The following ASIC2 variants were observed in gnomAD, a reference collection of about 807,000 sequenced individuals.
The protein encoded by ASIC2 is acid-sensing ion channel 2.
In ASIC2, 25 loss-of-function variants were observed where a neutral mutation model predicts 57.3. That is an observed-to-expected ratio of 0.44 (90% CI 0.32 to 0.61). The LOEUF (loss-of-function observed/expected upper bound fraction) is 0.61. Among genes scored for constraint, ASIC2 ranks in the 20% least tolerant of loss-of-function variants. ASIC2 has a pLI of 0.06. For missense variants in ASIC2, 641 were observed against 738.1 expected, an observed-to-expected ratio of 0.87 and a Z score of 1.52; for synonymous variants, 319 against 307.5, an observed-to-expected ratio of 1.04 and a Z score of -0.39.
intron 1 of ASIC2, among the ~76,000 whole-genome samples, chr17:33,996,393 G>A (rs79449423): frequency 0.044 from 6,741 of 152,094 alleles, 361 homozygotes; most frequent in East Asian, 0.23. Context: ...TGTTACCTTT[G>A]CTTTTGGGGT....
Position 34,019,252 on chromosome 17 carries a change from TG to T in ASIC2, c.555+136725del, listed in dbSNP as rs537927065. On this transcript the variant is annotated intron_variant, in intron 1 of 9. Transcript: ENST00000359872. ...AATCTACTCCTAGCAAAGACACTGTTGAAATGACAACAAAGGATTGAGAATA... is the reference window on the plus strand; with the variant it reads ...AATCTACTCCTAGCAAAGACACTGTTAAATGACAACAAAGGATTGAGAATA... Among the ~76,000 whole-genome samples, 36 of 152,244 alleles carry T rather than the reference TG, an allele frequency of 2.4e-4. 1 individual carries two copies. The East Asian group carries it at 6.4e-3, about 27-fold the overall frequency.
rs528702659 is a variant in ASIC2, at chr17:33,806,890, G to C, written c.555+349088C>G. On this transcript the variant is annotated intron_variant, in intron 1 of 9. Coordinates refer to the ASIC2 transcript ENST00000359872. ...GTGATAGCATCTGCAGAACAACCAA[G>C]ATGTCAGTGTCATGTTTGCATGCTG... Among the ~76,000 whole-genome samples the C allele has an allele frequency of 1.1e-4, 16 of 152,314 alleles. No individual in the cohort carries two copies. In the South Asian group the frequency reaches 3.3e-3, roughly 32 times the overall value.
intron 1 of ASIC2, among the ~76,000 whole-genome samples, chr17:33,979,866 CA>C (rs898482000): frequency 6.6e-6 from 1 of 152,182 alleles, no homozygotes; most frequent in Non-Finnish European, 1.5e-5. Context: ...CTCGGGAACT[CA>C]GTCTCTCTTG....
intron 1 of ASIC2, among the ~76,000 whole-genome samples, chr17:33,518,314 G>A (rs977678711): frequency 3.3e-5 from 5 of 152,210 alleles, no homozygotes; most frequent in African/African-American, 7.2e-5. Flanking sequence ...TGCGGGCGAA[G>A]GAGAGACTGA....
Position 34,036,833 on chromosome 17 carries a change from C to A in ASIC2, c.555+119145G>T, listed in dbSNP as rs536355142. On this transcript the variant is annotated intron_variant, in intron 1 of 9. Transcript: ENST00000359872. The stretch of plus-strand genomic sequence containing the variant: ...GGGACTCCAAGCTGCAGTCTTCTAA[C>A]CTCATTCTTTGTCCAATGGCAAAAA... The A allele has an allele frequency of 2.3e-3, 357 of 152,484 alleles. 1 individual carries two copies. The highest frequency in any genetic ancestry group is 3.9e-3 in the Non-Finnish European group (266 of 67,986). The allele number at this position is 152,484 out of a possible 1,614,324, so 9.4% of individuals were successfully genotyped here.
chr17:33,104,690 C>G (rs532862738), intron 2 of ASIC2, among the ~76,000 whole-genome samples: 10 of 152,196 alleles, frequency 6.6e-5, no homozygotes, highest in Non-Finnish European at 1.5e-4. Flanking sequence ...TCATTATATG[C>G]CATTCTCTCT....
At chr17:33,604,257 GT>G (rs1905173785) in intron 1 of ASIC2, among the ~76,000 whole-genome samples, 1 of 152,204 alleles carries the variant, frequency 6.6e-6, no homozygotes, top group African/African-American at 2.4e-5. Context: ...AAAATCTTTG[GT>G]TGTTTGTATT....
At chr17:33,733,415 C>T (rs1436594343) in intron 1 of ASIC2, among the ~76,000 whole-genome samples, 1 of 152,166 alleles carries the variant, frequency 6.6e-6, no homozygotes, top group Admixed American at 6.5e-5. Context: ...TTTAGTACTA[C>T]AAGTTCCATG....
chr17:33,015,865 G>T lies in ASIC2; in HGVS notation c.1590+106C>A, dbSNP rs548908555. 5.4e-5 allele frequency: 63 copies of T among 1,157,070 alleles called. No homozygotes were observed. The African/African-American group carries it at 8.6e-4, about 16-fold the overall frequency. The allele number at this position is 1,157,070 out of a possible 1,614,324, so 71.7% of individuals were successfully genotyped here. Reference sequence around the variant, plus strand: ...ACAGCATGTCCCAAGCCATGGAAAGGTGTGCAGTGAGTCACATCTTTCCTG... The same window carrying T: ...ACAGCATGTCCCAAGCCATGGAAAGTTGTGCAGTGAGTCACATCTTTCCTG... On this transcript the variant is annotated intron_variant, in intron 9 of 9. Transcript: ENST00000225823.
chr17:33,024,995 T>G (rs1295348333), intron 5 of ASIC2, among the ~76,000 whole-genome samples: 1 of 152,060 alleles, frequency 6.6e-6, no homozygotes, highest in Non-Finnish European at 1.5e-5. Flanking sequence ...CTCCCTCCCT[T>G]TTTCCTCTAG....
intron 1 of ASIC2, among the ~76,000 whole-genome samples, chr17:33,687,945 G>A (rs553148843): frequency 4.7e-4 from 72 of 152,272 alleles, no homozygotes; most frequent in Admixed American, 2.7e-3. Context: ...TTGTGGGACC[G>A]AAACCATTAC....
At chr17:33,490,564 A>G (rs1913720791) in intron 1 of ASIC2, among the ~76,000 whole-genome samples, 1 of 152,184 alleles carries the variant, frequency 6.6e-6, no homozygotes, top group Non-Finnish European at 1.5e-5. Flanking sequence ...AAGTCTCATG[A>G]GATCTGATGA....
intron 1 of ASIC2, among the ~76,000 whole-genome samples, chr17:34,030,603 T>G (rs953833658): frequency 6.6e-6 from 1 of 152,194 alleles, no homozygotes; most frequent in Non-Finnish European, 1.5e-5. Context: ...TTTCCTTTCC[T>G]ACTCAAAGAA....
At chr17:33,056,605 T>C (rs1380118298) in intron 3 of ASIC2, among the ~76,000 whole-genome samples, 2 of 152,168 alleles carry the variant, frequency 1.3e-5, no homozygotes, top group African/African-American at 2.4e-5. Context: ...TCAGGGCTGG[T>C]AGCCTAGGAC....
At chr17:33,293,807 A>G (rs1039414318), upstream of ASIC2, among the ~76,000 whole-genome samples, 2 of 151,950 alleles carry the variant, frequency 1.3e-5, no homozygotes, top group African/African-American at 4.8e-5. Context: ...GGTGACGTGT[A>G]TGTTCCGTGT....
chr17:33,670,781 T>A (rs1907615291), intron 1 of ASIC2, among the ~76,000 whole-genome samples: 1 of 152,266 alleles, frequency 6.6e-6, no homozygotes, highest in Non-Finnish European at 1.5e-5. Context: ...CAGGATGGTA[T>A]GGCAGGACAA....
At chr17:33,797,132 C>A (rs1445942403) in intron 1 of ASIC2, among the ~76,000 whole-genome samples, 1 of 152,140 alleles carries the variant, frequency 6.6e-6, no homozygotes, top group East Asian at 1.9e-4. Context: ...CCCAGTACAT[C>A]AATATGTTCA....
chr17:34,011,429 C>T (rs937834180), intron 1 of ASIC2, among the ~76,000 whole-genome samples: 3 of 152,144 alleles, frequency 2.0e-5, no homozygotes, highest in African/African-American at 7.2e-5. Flanking sequence ...TCACAGGCAA[C>T]ACTGGCTACC....
intron 3 of ASIC2, among the ~76,000 whole-genome samples, chr17:33,078,772 A>G (rs1409290554): frequency 3.3e-5 from 5 of 152,180 alleles, no homozygotes; most frequent in Non-Finnish European, 5.9e-5. Flanking sequence ...TTGATTGGCT[A>G]CCTCTCCTGC....
Sources: gnomAD v4.1 joint callset for allele counts (sites outside exome capture counted in the v4.1 genomes callset) on GRCh38, gnomAD v4.1.1 for gene constraint, MANE v1.5 for transcripts, NCBI Gene and HGNC (gene_info 2026-07-23, HGNC 2026-07-21) for gene names.